Variants in TCF3 observed in about 807,000 individuals in gnomAD.
TCF3 encodes transcription factor E2-alpha.
TCF3 carries 54 observed loss-of-function variants against 72.3 expected under a neutral mutation model. That is an observed-to-expected ratio of 0.75 (90% CI 0.60 to 0.94). The LOEUF (loss-of-function observed/expected upper bound fraction) is 0.94. Ranked by LOEUF, TCF3 falls within the 40% of genes least tolerant of loss-of-function variation. TCF3 has a pLI of 0.00. For missense variants in TCF3, 1,078 were observed against 934.4 expected (o/e 1.15, Z -2.00); for synonymous variants, 525 against 412.6 (o/e 1.27, Z -3.30).
intron 3 of TCF3, 76 bp from the exon 4 acceptor site, chr19:1,632,481 G>C: frequency 6.8e-7 from 1 of 1,470,506 alleles, no homozygotes; most frequent in Non-Finnish European, 9.3e-7. Flanking sequence ...CATCATCTCA[G>C]GGGCAAACCT....
chr19:1,616,395 A>T (rs2061549181), intron 16 of TCF3: 2 of 151,048 alleles, frequency 1.3e-5, no homozygotes, highest in Non-Finnish European at 2.9e-5. Context: ...AATCACTTGA[A>T]CCCAGGAGGC....
At position 1,621,027 on chromosome 19, in the gene TCF3, G is replaced by A. The variant is rs778930678; in HGVS notation, c.1034C>T (p.Ser345Leu). 1 of 1,521,642 alleles carries A rather than the reference G, an allele frequency of 6.6e-7. No individual in the cohort carries two copies. The highest frequency in any genetic ancestry group is 8.8e-7 in the Non-Finnish European group (1 of 1,131,758). 94.3% of individuals were successfully genotyped at this position (1,521,642 alleles called of 1,614,324 possible). A position where few individuals can be genotyped will look rare whatever the true frequency, so the allele number is the denominator to read the frequency against. ...AGGGCTGGACGAGAAGTTATTGCTT[G>A]AGTGATCCGGGGAGTAGATCTGCGA... is the stretch of plus-strand genomic sequence containing the variant. ...ALASIYSPDH[S>L]SNNFSSSPST... is the part of the protein sequence containing the mutation. The change falls in exon 13 of 19, where the codon TCA (serine) becomes TTA (leucine). Residue 345 changes from serine to leucine, a missense_variant. Coordinates refer to ENST00000262965, the MANE Select transcript of TCF3 (RefSeq NM_003200.5).
At position 1,611,568 on chromosome 19, in the gene TCF3, T is replaced by C. The variant is rs1753743187; in HGVS notation, c.*139A>G. The C allele has an allele frequency of 8.0e-7, 1 of 1,250,124 alleles. No individual in the cohort carries two copies. The highest frequency in any genetic ancestry group is 1.1e-6 in the Non-Finnish European group (1 of 925,078). 77.4% of individuals were successfully genotyped at this position (1,250,124 alleles called of 1,614,324 possible). A position where few individuals can be genotyped will look rare whatever the true frequency, so the allele number is the denominator to read the frequency against. On this transcript the variant is annotated 3_prime_UTR_variant, in exon 19 of 19. Coordinates refer to ENST00000262965, the MANE Select transcript of TCF3 (RefSeq NM_003200.5). ...TGGCCGCCCCCATCACTCCGAACCTTGTCAGGTTGGTGTTGGCTCGATGCT... is the reference window on the plus strand; with the variant it reads ...TGGCCGCCCCCATCACTCCGAACCTCGTCAGGTTGGTGTTGGCTCGATGCT...
rs1469907693 is a variant in TCF3, at chr19:1,615,270, C to T, written c.1822+15G>A. 7.7e-6 allele frequency: 12 copies of T among 1,568,604 alleles called. No individual in the cohort carries two copies. The highest frequency in any genetic ancestry group is 1.0e-5 in the Non-Finnish European group (12 of 1,152,346). On this transcript the variant is annotated intron_variant, in intron 18 of 18. Transcript: ENST00000262965. This position sits in a 1 kb window ranked among gnomAD's most constrained non-coding sequence, Gnocchi z 7.3. ...TGGCGCTGCAGGGACGCTGGTGGCC[C>T]GCGCCCCCACTGACCTCGCACTTGC...
intron 11 of TCF3, 110 bp from the exon 12 acceptor site, chr19:1,621,301 G>T (rs2062174332): frequency 1.5e-6 from 2 of 1,311,522 alleles, no homozygotes; most frequent in Admixed American, 2.3e-5. Flanking sequence ...GCCAGGGAGA[G>T]CAGCCTGACT....
intron 6 of TCF3, among the ~76,000 whole-genome samples, chr19:1,626,489 T>G (rs964113385): frequency 1.2e-4 from 18 of 150,004 alleles, no homozygotes; most frequent in African/African-American, 4.4e-4. Flanking sequence ...CATCATCCAG[T>G]GGCCCCACGG....
At chr19:1,630,812 C>T (rs987708018) in intron 5 of TCF3, among the ~76,000 whole-genome samples, 2 of 152,182 alleles carry the variant, frequency 1.3e-5, no homozygotes, top group African/African-American at 4.8e-5. Flanking sequence ...CGGGACCCCC[C>T]CAAGACCCCT....
At chr19:1,621,745 C>A in intron 11 of TCF3, 93 bp downstream of exon 11, 1 of 1,427,966 alleles carries the variant, frequency 7.0e-7, no homozygotes, top group African/African-American at 1.4e-5. Flanking sequence ...GACGCGCCTG[C>A]GCCTCCCGTG....
chr19:1,624,082 C>G, intron 7 of TCF3, 82 bp from the exon 8 acceptor site: 2 of 1,413,028 alleles, frequency 1.4e-6, no homozygotes, highest in Non-Finnish European at 2.0e-6. Context: ...GAGACCCTCA[C>G]AATTCCCGTT....
Position 1,621,988 on chromosome 19 carries a change from A to C in TCF3, c.823-18T>G. On this transcript the variant is annotated intron_variant, in intron 10 of 18. Coordinates refer to ENST00000262965, the MANE Select transcript of TCF3 (RefSeq NM_003200.5). The stretch of plus-strand genomic sequence containing the variant: ...TGGTAGCCCTGGGGGGTCAGGCAGG[A>C]GGAGGGTGGGTTAGATGGGCACTGC... 1 of 1,602,730 alleles carries C rather than the reference A, an allele frequency of 6.2e-7. No individual in the cohort carries two copies. The highest frequency in any genetic ancestry group is 8.5e-7 in the Non-Finnish European group (1 of 1,175,410).
At chr19:1,635,992 G>GT (rs966276470) in intron 3 of TCF3, among the ~76,000 whole-genome samples, 1 of 152,110 alleles carries the variant, frequency 6.6e-6, no homozygotes, top group African/African-American at 2.4e-5. Flanking sequence ...TTAAAATCGT[G>GT]AAGGACCCCG....
At chr19:1,644,606 G>A (rs1240455684) in intron 3 of TCF3, among the ~76,000 whole-genome samples, 2 of 152,250 alleles carry the variant, frequency 1.3e-5, no homozygotes, top group East Asian at 3.8e-4. Context: ...GGGAACCACA[G>A]AAAATACATC....
Position 1,619,117 on chromosome 19 carries a change from A to C in TCF3, c.1444T>G (p.Tyr482Asp). 6.3e-7 allele frequency: 1 copy of C among 1,599,454 alleles called. No individual in the cohort carries two copies. Among genetic ancestry groups the C allele is most frequent in the East Asian group, 2.2e-5 (1 of 44,858 alleles). The change falls in exon 16 of 19, where the codon TAC becomes GAC. Residue 482 changes from tyrosine (Y) to aspartate (D), a missense_variant. Transcript: ENST00000262965. Reference sequence around the variant, plus strand: ...CCCAAGCTCAAGGGCTTACCACTGTAGGAGTCGGGAGGCCGAGACAGGTCA... The same window carrying C: ...CCCAAGCTCAAGGGCTTACCACTGTCGGAGTCGGGAGGCCGAGACAGGTCA... ...LPDLSRPPDS[Y>D]SGLGRAGATA...
rs1473306743 is a variant in TCF3, at chr19:1,621,229, C to T, written c.956-38G>A. On this transcript the variant is annotated intron_variant, in intron 11 of 18. Coordinates refer to ENST00000262965, the MANE Select transcript of TCF3 (RefSeq NM_003200.5). The stretch of plus-strand genomic sequence containing the variant: ...AGAGGTGAGGCCCACGCAGCCCGGC[C>T]TGGGTGCTGCCGCCGACGGCAAGCT... The T allele has an allele frequency of 4.6e-6, 7 of 1,525,822 alleles. No homozygotes were observed. The South Asian group carries it at 8.4e-5, about 18-fold the overall frequency. The allele number at this position is 1,525,822 out of a possible 1,614,324, so 94.5% of individuals were successfully genotyped here.
At chr19:1,638,990 A>C (rs2064856485) in intron 3 of TCF3, among the ~76,000 whole-genome samples, 1 of 152,248 alleles carries the variant, frequency 6.6e-6, no homozygotes, top group Non-Finnish European at 1.5e-5. Context: ...AGATCTGCCA[A>C]GCCACACCAA....
At chr19:1,634,304 T>C (rs917993193) in intron 3 of TCF3, among the ~76,000 whole-genome samples, 14 of 152,400 alleles carry the variant, frequency 9.2e-5, no homozygotes, top group East Asian at 1.9e-4. Flanking sequence ...AATGTACTAA[T>C]AGAATAAGAC....
intron 18 of TCF3, 34 bp from the exon 19 acceptor site, chr19:1,611,883 G>A (rs769921951): frequency 1.4e-6 from 2 of 1,411,764 alleles, no homozygotes; most frequent in East Asian, 4.0e-5. Flanking sequence ...GTGGGAGACG[G>A]TCCCAGGGAG....
At chr19:1,633,267 C>T (rs113987088) in intron 3 of TCF3, among the ~76,000 whole-genome samples, 1 of 152,204 alleles carries the variant, frequency 6.6e-6, no homozygotes, top group Admixed American at 6.5e-5. Context: ...AGCTTGGCCA[C>T]GGAGTTGCTG....
intron 8 of TCF3, among the ~76,000 whole-genome samples, chr19:1,622,663 G>A (rs186080735): frequency 6.6e-6 from 1 of 151,992 alleles, no homozygotes; most frequent in Non-Finnish European, 1.5e-5. Flanking sequence ...TCTGACCTTT[G>A]TACTTGAGGA....
Sources: allele counts gnomAD v4.1 joint callset (sites outside exome capture counted in the v4.1 genomes callset), GRCh38; gene constraint gnomAD v4.1.1; non-coding constraint Gnocchi (gnomAD v3.1); transcripts MANE v1.5; gene names NCBI Gene and HGNC (gene_info 2026-07-23, HGNC 2026-07-21).